Variants in ING3 observed in about 807,000 individuals in gnomAD.
ING3 encodes the protein inhibitor of growth protein 3.
Under a neutral mutation model 64.8 loss-of-function variants are expected in ING3, and 6 were observed. The ratio of observed to expected loss-of-function variants is 0.09; its 90% CI spans 0.05 to 0.18. ING3 has a LOEUF of 0.18. Among genes scored for constraint, ING3 ranks in the 10% least tolerant of loss-of-function variants. The pLI is 1.00. For missense variants in ING3, 310 were observed against 489.7 expected (o/e 0.63, Z 3.46); for synonymous variants, 170 against 173.7 (o/e 0.98, Z 0.17).
In ING3 at chr7:120,970,889, CTG is replaced by C. The variant is rs1294887578; in HGVS notation, c.1101+11_1101+12del. On this transcript the variant is annotated intron_variant, in intron 10 of 11. Transcript: ENST00000315870. ...ACTGCATTTGTAATCAGGTAAAAGT[CTG>C]TTATATCTATAAAAGTATAATCTGA... is the stretch of plus-strand genomic sequence containing the variant. 1.9e-6 allele frequency: 3 copies of C among 1,543,142 alleles called. No homozygotes were observed. The highest frequency in any genetic ancestry group is 2.7e-6 in the Non-Finnish European group (3 of 1,115,970).
intron 4 of ING3, among the ~76,000 whole-genome samples, chr7:120,964,227 A>G (rs1037852921): frequency 6.6e-6 from 1 of 152,190 alleles, no homozygotes; most frequent in African/African-American, 2.4e-5. Context: ...TACAAGCATT[A>G]TGATTCACTC....
chr7:120,950,932 C>G lies in ING3; in HGVS notation c.28+8C>G. On this transcript the variant is annotated splice_region_variant and intron_variant, in intron 1 of 11. Coordinates refer to ENST00000315870, the MANE Select transcript of ING3 (RefSeq NM_019071.3). The stretch of plus-strand genomic sequence containing the variant: ...TAGAAGACTATCTGGAAAGTGAGTG[C>G]GCGGCGCTGGCGGCGGCCGCCAGTG... The G allele has an allele frequency of 6.2e-7, 1 of 1,611,688 alleles. No individual in the cohort carries two copies. Among genetic ancestry groups the G allele is most frequent in the Non-Finnish European group, 8.5e-7 (1 of 1,179,030 alleles).
chr7:120,975,505 T>G lies in ING3; in HGVS notation c.*661T>G, dbSNP rs1314702460. The stretch of plus-strand genomic sequence containing the variant: ...GTCTTTCTATGTTTCTGCATCCAGA[T>G]AGAGTGCAGTTCATGAGGGAGGGGG... On this transcript the variant is annotated 3_prime_UTR_variant, in exon 12 of 12. Coordinates refer to ENST00000315870, the MANE Select transcript of ING3 (RefSeq NM_019071.3). 1 of 119,894 alleles carries G rather than the reference T, an allele frequency of 8.3e-6. No individual in the cohort carries two copies. Among genetic ancestry groups the G allele is most frequent in the East Asian group, 2.3e-4 (1 of 4,308 alleles). The allele number at this position is 119,894 out of a possible 1,614,324, so 7.4% of individuals were successfully genotyped here. A position where few individuals can be genotyped will look rare whatever the true frequency, so the allele number is the denominator to read the frequency against.
chr7:120,951,447 T>C (rs113365551), intron 2 of ING3, among the ~76,000 whole-genome samples: 1 of 152,224 alleles, frequency 6.6e-6, no homozygotes. Context: ...GCAGGAGGCA[T>C]TGGGACACGT....
At chr7:120,950,951 G>A in intron 1 of ING3, 27 bp downstream of exon 1, 2 of 1,612,342 alleles carry the variant, frequency 1.2e-6, no homozygotes, top group Non-Finnish European at 1.7e-6. Context: ...GGCGGCGGCC[G>A]CCAGTGGGAC....
At chr7:120,955,231 C>T (rs1795828052) in intron 3 of ING3, among the ~76,000 whole-genome samples, 1 of 152,118 alleles carries the variant, frequency 6.6e-6, no homozygotes, top group Admixed American at 6.5e-5. Flanking sequence ...CCGGTTCAAG[C>T]ACTTCTTGTG....
chr7:120,959,417 T>C (rs1795898795), intron 4 of ING3, among the ~76,000 whole-genome samples: 1 of 152,188 alleles, frequency 6.6e-6, no homozygotes, highest in Non-Finnish European at 1.5e-5. Context: ...AGCTGTTTCT[T>C]TGAGTCTTTT....
At chr7:120,969,600 G>C (rs1796041442) in intron 9 of ING3, among the ~76,000 whole-genome samples, 1 of 150,486 alleles carries the variant, frequency 6.6e-6, no homozygotes, top group South Asian at 2.1e-4. Context: ...TTTTCATTTT[G>C]ATTAACAGCA....
At chr7:120,959,896 C>T (rs1390217463) in intron 4 of ING3, among the ~76,000 whole-genome samples, 1 of 151,958 alleles carries the variant, frequency 6.6e-6, no homozygotes, top group Admixed American at 6.6e-5. Context: ...CCGCCCGCCT[C>T]GGCCTCCCAA....
Position 120,970,802 on chromosome 7 carries a change from A to T in ING3, c.1023A>T (p.Val341=). ...AAGAAATCTCTCAACAAACAACTGTAGTGCCAGAATCTGATTCAAATAGTC... is the reference window on the plus strand; with the variant it reads ...AAGAAATCTCTCAACAAACAACTGTTGTGCCAGAATCTGATTCAAATAGTC... ...VVQEISQQTT[V]VPESDSNSQV... is the part of the protein sequence containing the mutation. The change falls in exon 10 of 12, where the codon GTA becomes GTT. Residue 341 remains valine, a synonymous_variant. Coordinates refer to ENST00000315870, the MANE Select transcript of ING3 (RefSeq NM_019071.3). 1 of 1,614,026 alleles carries T rather than the reference A, an allele frequency of 6.2e-7. No homozygotes were observed. The highest frequency in any genetic ancestry group is 8.5e-7 in the Non-Finnish European group (1 of 1,179,888).
chr7:120,966,794 GAAAT>G, intron 6 of ING3, 97 bp downstream of exon 6: 3 of 871,082 alleles, frequency 3.4e-6, no homozygotes, highest in African/African-American at 1.7e-5. Flanking sequence ...AACCAATTGA[GAAAT>G]AAATCCCTTC....
At chr7:120,966,502 C>A in intron 5 of ING3, 124 bp from the exon 6 acceptor site, 1 of 777,638 alleles carries the variant, frequency 1.3e-6, no homozygotes, top group Non-Finnish European at 2.4e-6. Context: ...TAAATACAGG[C>A]ATATGCATCA....
rs188483721 is a variant in ING3, at chr7:120,977,163, A to T, written c.*2319A>T. 1.8e-4 allele frequency: 28 copies of T among 152,358 alleles called. No individual in the cohort carries two copies. Among genetic ancestry groups the T allele is most frequent in the African/African-American group, 6.3e-4 (26 of 41,586 alleles). 9.4% of individuals were successfully genotyped at this position (152,358 alleles called of 1,614,324 possible). ...CCTTACTGCTATGGAGTGTATATCA[A>T]AATGTTCATGGTGACACATTTGAAG... On this transcript the variant is annotated 3_prime_UTR_variant, in exon 12 of 12. Coordinates refer to ENST00000315870, the MANE Select transcript of ING3 (RefSeq NM_019071.3).
chr7:120,965,741 G>T (rs1363953050), intron 5 of ING3, among the ~76,000 whole-genome samples: 1 of 151,952 alleles, frequency 6.6e-6, no homozygotes, highest in East Asian at 1.9e-4. Context: ...GATCTGTCTT[G>T]GTATCCATAG....
In ING3 at chr7:120,966,607, T is replaced by C; in HGVS notation, c.365-19T>C. 6.3e-7 allele frequency: 1 copy of C among 1,590,308 alleles called. No homozygotes were observed. Among genetic ancestry groups the C allele is most frequent in the Non-Finnish European group, 8.6e-7 (1 of 1,158,282 alleles). On this transcript the variant is annotated intron_variant, in intron 5 of 11. Coordinates refer to ENST00000315870, the MANE Select transcript of ING3 (RefSeq NM_019071.3). The stretch of plus-strand genomic sequence containing the variant: ...GTGACATTTAATGGTGGTGTATCTC[T>C]GTGCCTCTCTTCTTTTAGGATCTTT...
chr7:120,973,563 C>A (rs1001612719), intron 11 of ING3, among the ~76,000 whole-genome samples: 6 of 152,120 alleles, frequency 3.9e-5, no homozygotes, highest in Non-Finnish European at 7.4e-5. Flanking sequence ...TCATTTATCA[C>A]ATTGAAGAAA....
intron 10 of ING3, among the ~76,000 whole-genome samples, chr7:120,971,173 C>T (rs1434035612): frequency 6.6e-6 from 1 of 152,180 alleles, no homozygotes; most frequent in Admixed American, 6.5e-5. Context: ...GACTGGGTAG[C>T]TTAAACAACA....
chr7:120,954,639 A>C (rs1404351749), intron 3 of ING3, among the ~76,000 whole-genome samples: 1 of 152,186 alleles, frequency 6.6e-6, no homozygotes, highest in Non-Finnish European at 1.5e-5. Context: ...TTATATCCAC[A>C]TCCCAGAGTC....
chr7:120,962,705 G>A (rs1163418620), intron 4 of ING3, among the ~76,000 whole-genome samples: 1 of 151,832 alleles, frequency 6.6e-6, no homozygotes, highest in East Asian at 1.9e-4. Context: ...TTGTCTTTCT[G>A]TCTCTACATT....
Sources: gnomAD v4.1 joint callset for allele counts (sites outside exome capture counted in the v4.1 genomes callset) on GRCh38, gnomAD v4.1.1 for gene constraint, MANE v1.5 for transcripts, NCBI Gene and HGNC (gene_info 2026-07-23, HGNC 2026-07-21) for gene names.